AUTS2: variants seen among roughly 807,000 people sequenced by gnomAD.
AUTS2 encodes activator of transcription and developmental regulator AUTS2.
In AUTS2, 17 loss-of-function variants were observed where a neutral mutation model predicts 112.4. That is an observed-to-expected ratio of 0.15 (90% CI 0.10 to 0.23). The LOEUF (loss-of-function observed/expected upper bound fraction) is 0.23. AUTS2 is among the 10% of genes least tolerant of loss of function. AUTS2 has a pLI of 1.00. For synonymous variants in AUTS2, 751 were observed against 702.7 expected (o/e 1.07, Z -1.09); for missense variants, 1,510 against 1,701.6 (o/e 0.89, Z 1.98).
intron 2 of AUTS2, among the ~76,000 whole-genome samples, chr7:70,103,202 A>G (rs900419752): frequency 2.0e-5 from 3 of 152,174 alleles, no homozygotes; most frequent in Admixed American, 2.0e-4. Flanking sequence ...ATACAATGTT[A>G]CTCTGGAGGG....
At chr7:70,317,443 A>G (rs1790048584) in intron 4 of AUTS2, among the ~76,000 whole-genome samples, 4 of 152,242 alleles carry the variant, frequency 2.6e-5, no homozygotes, top group Admixed American at 2.0e-4. Context: ...GTTGGCTCCC[A>G]TTTTAAACAC....
chr7:69,904,357 T>C (rs1332931422), intron 2 of AUTS2, among the ~76,000 whole-genome samples: 3 of 152,216 alleles, frequency 2.0e-5, no homozygotes, highest in Admixed American at 2.0e-4. Context: ...ATGGAAAACT[T>C]TGATTAAACG....
At chr7:69,977,202 T>C (rs1395710213) in intron 2 of AUTS2, among the ~76,000 whole-genome samples, 1 of 152,216 alleles carries the variant, frequency 6.6e-6, no homozygotes, top group Non-Finnish European at 1.5e-5. Flanking sequence ...ATAAACTATC[T>C]TTCTCCATTG....
chr7:69,733,529 A>G (rs1786891918), intron 1 of AUTS2, among the ~76,000 whole-genome samples: 2 of 152,184 alleles, frequency 1.3e-5, no homozygotes, highest in African/African-American at 4.8e-5. Context: ...GGGAGTGTTC[A>G]AGGGCATACG....
At chr7:70,697,832 C>T (rs62456813) in intron 5 of AUTS2, among the ~76,000 whole-genome samples, 1 of 152,098 alleles carries the variant, frequency 6.6e-6, no homozygotes, top group African/African-American at 2.4e-5. Flanking sequence ...TCCTTCAAAC[C>T]GACTTCCATG....
At chr7:70,187,759 A>G (rs1219556680) in intron 4 of AUTS2, among the ~76,000 whole-genome samples, 8 of 150,722 alleles carry the variant, frequency 5.3e-5, no homozygotes, top group Admixed American at 5.3e-4. Flanking sequence ...ACTGTCAGAC[A>G]TACTCAACTA....
chr7:70,244,009 CCTATT>C (rs1188856145), intron 4 of AUTS2, among the ~76,000 whole-genome samples: 1 of 151,754 alleles, frequency 6.6e-6, no homozygotes, highest in African/African-American at 2.4e-5. Context: ...GGGAGATACT[CCTATT>C]CTTACTGTTA....
At chr7:69,801,816 AAAG>A (rs1458427920) in intron 1 of AUTS2, among the ~76,000 whole-genome samples, 1 of 152,202 alleles carries the variant, frequency 6.6e-6, no homozygotes, top group African/African-American at 2.4e-5. Flanking sequence ...GAATGTCAAT[AAAG>A]AAACGTCTAA....
At chr7:70,593,340 G>T (rs1803040115) in intron 5 of AUTS2, among the ~76,000 whole-genome samples, 1 of 152,142 alleles carries the variant, frequency 6.6e-6, no homozygotes, top group Non-Finnish European at 1.5e-5. Flanking sequence ...TTTATATCGT[G>T]TTTTAATAAA....
chr7:70,523,817 A>G (rs895548982), intron 5 of AUTS2, among the ~76,000 whole-genome samples: 3 of 152,190 alleles, frequency 2.0e-5, no homozygotes, highest in South Asian at 2.1e-4. Context: ...TGCACTGGAA[A>G]CATCACCTGA....
At chr7:69,922,015 G>A (rs1000183394) in intron 2 of AUTS2, among the ~76,000 whole-genome samples, 7 of 152,078 alleles carry the variant, frequency 4.6e-5, no homozygotes, top group Non-Finnish European at 7.4e-5. Context: ...AGTGAGCCGA[G>A]ATCACGCCAT....
intron 5 of AUTS2, among the ~76,000 whole-genome samples, chr7:70,453,905 T>A (rs902645793): frequency 3.9e-5 from 6 of 152,284 alleles, no homozygotes; most frequent in Non-Finnish European, 5.9e-5. Context: ...CAAAACACAT[T>A]CAAGGCAGAC....
intron 1 of AUTS2, among the ~76,000 whole-genome samples, chr7:69,676,561 C>A (rs760430837): frequency 3.3e-5 from 5 of 152,176 alleles, no homozygotes; most frequent in African/African-American, 4.8e-5. Flanking sequence ...TTTAAGTCAA[C>A]TATGGCAAGG....
At chr7:70,519,247 A>T (rs1799547287) in intron 5 of AUTS2, among the ~76,000 whole-genome samples, 1 of 152,194 alleles carries the variant, frequency 6.6e-6, no homozygotes, top group African/African-American at 2.4e-5. Context: ...CAAAGGGAAG[A>T]CTAATAAAGT....
chr7:69,807,465 T>C lies in AUTS2; in HGVS notation c.310-91821T>C, dbSNP rs1790357456. ...TCTTGCTTGACTTCTCTTTTGAGAT[T>C]CCAGGAGTAAAGGTACTTGTCAGAC... is the stretch of plus-strand genomic sequence containing the variant. On this transcript the variant is annotated intron_variant, in intron 1 of 18. Transcript: ENST00000342771. 5.3e-5 allele frequency among the ~76,000 whole-genome samples: 8 copies of C among 152,232 alleles called. No homozygotes were observed. The South Asian group carries it at 1.7e-3, about 32-fold the overall frequency.
At chr7:70,640,186 T>A (rs1442793763) in intron 5 of AUTS2, among the ~76,000 whole-genome samples, 2 of 152,070 alleles carry the variant, frequency 1.3e-5, no homozygotes, top group Non-Finnish European at 2.9e-5. Context: ...AGTACACGGA[T>A]GTGCATGTCT....
chr7:70,100,122 C>G (rs1287128327), intron 2 of AUTS2, among the ~76,000 whole-genome samples: 1 of 152,124 alleles, frequency 6.6e-6, no homozygotes, highest in Non-Finnish European at 1.5e-5. Flanking sequence ...TGGTCGCTGT[C>G]TTCAGTATTC....
At chr7:70,472,853 C>G (rs1797444554) in intron 5 of AUTS2, among the ~76,000 whole-genome samples, 1 of 152,200 alleles carries the variant, frequency 6.6e-6, no homozygotes, top group Non-Finnish European at 1.5e-5. Flanking sequence ...TTTAACCACT[C>G]CAGTTGAATA....
chr7:70,496,709 C>CACACACACCCCACACAT (rs1798539972), intron 5 of AUTS2, among the ~76,000 whole-genome samples: 1 of 127,060 alleles, frequency 7.9e-6, no homozygotes. Flanking sequence ...CAGTCACACA[C>CACACACACCCCACACAT]GCACACACCC....
Sources: allele counts gnomAD v4.1 joint callset (sites outside exome capture counted in the v4.1 genomes callset), GRCh38; gene constraint gnomAD v4.1.1; transcripts MANE v1.5; gene names NCBI Gene and HGNC (gene_info 2026-07-23, HGNC 2026-07-21).